The following KANSL1 variants were observed in gnomAD, a reference collection of about 807,000 sequenced individuals.
The protein encoded by KANSL1 is MLL1/MLL complex subunit KANSL1.
A neutral mutation model predicts 103.6 loss-of-function variants in KANSL1; 22 were observed. The observed-to-expected ratio is 0.21, with a 90% CI of 0.15 to 0.30. The LOEUF (loss-of-function observed/expected upper bound fraction) is 0.30, where lower values mean the gene tolerates loss of function less well. KANSL1 is among the 10% of genes least tolerant of loss of function. The pLI is 1.00. For missense variants in KANSL1, 1,337 were observed against 1,399.8 expected (o/e 0.96, Z 0.72); for synonymous variants, 600 against 527.6 (o/e 1.14, Z -1.88).
intron 2 of KANSL1, among the ~76,000 whole-genome samples, chr17:46,131,808 A>G (rs1305756977): frequency 6.6e-6 from 1 of 152,044 alleles, no homozygotes; most frequent in Non-Finnish European, 1.5e-5. Context: ...CACCACCACC[A>G]CCCTTGCCAA....
At chr17:46,137,835 C>G (rs2044228013) in intron 2 of KANSL1, among the ~76,000 whole-genome samples, 1 of 145,696 alleles carries the variant, frequency 6.9e-6, no homozygotes, top group Admixed American at 6.9e-5. Flanking sequence ...CCACTGCACT[C>G]AGGTCTGGGC....
intron 2 of KANSL1, among the ~76,000 whole-genome samples, chr17:46,097,943 A>T (rs2042153461): frequency 6.7e-6 from 1 of 149,902 alleles, no homozygotes; most frequent in Middle Eastern, 3.4e-3. Context: ...AACATAAACC[A>T]TTCAAACCAA....
intron 6 of KANSL1, among the ~76,000 whole-genome samples, chr17:46,055,035 G>C (rs1321341466): frequency 6.6e-6 from 1 of 151,768 alleles, no homozygotes; most frequent in Non-Finnish European, 1.5e-5. Flanking sequence ...ATTTTTTGTA[G>C]AGACAGGGTT....
At chr17:46,145,470 C>T (rs2044649262) in intron 2 of KANSL1, among the ~76,000 whole-genome samples, 1 of 152,230 alleles carries the variant, frequency 6.6e-6, no homozygotes, top group Admixed American at 6.5e-5. Flanking sequence ...AAAAAAAGAG[C>T]TATCTAGAAC....
At chr17:46,180,510 T>C (rs910676299) in intron 1 of KANSL1, among the ~76,000 whole-genome samples, 3 of 151,390 alleles carry the variant, frequency 2.0e-5, no homozygotes, top group Non-Finnish European at 4.4e-5. Context: ...AAAAAAGAAA[T>C]AAATAATAAA....
chr17:46,097,379 C>A (rs1304359298), intron 2 of KANSL1, among the ~76,000 whole-genome samples: 2 of 152,154 alleles, frequency 1.3e-5, no homozygotes. Flanking sequence ...ATGGGGAATG[C>A]AAAAGCTGCA....
chr17:46,197,327 T>C (rs2047644669), upstream of KANSL1, among the ~76,000 whole-genome samples: 1 of 152,252 alleles, frequency 6.6e-6, no homozygotes, highest in South Asian at 2.1e-4. Context: ...CACACCACTG[T>C]TATCGTCTAC....
intron 1 of KANSL1, among the ~76,000 whole-genome samples, chr17:46,184,851 T>C (rs572688301): frequency 1.3e-3 from 203 of 151,384 alleles, no homozygotes; most frequent in African/African-American, 4.9e-3. Context: ...TTTTTTTTTT[T>C]TTTTTTGAAA....
rs550985734 is a variant in KANSL1, at chr17:46,141,712, T to G, written c.1289+29143A>C. Among the ~76,000 whole-genome samples the G allele has an allele frequency of 3.3e-5, 5 of 152,364 alleles. No homozygotes were observed. The South Asian group carries it at 1.0e-3, about 32-fold the overall frequency. On this transcript the variant is annotated intron_variant, in intron 2 of 14. Transcript: ENST00000432791. ...TGGCAACCCATATTCTGGAAAGATA[T>G]TCTTTACAAGTTAACCTGTATGTCT... is the stretch of plus-strand genomic sequence containing the variant.
intron 4 of KANSL1, among the ~76,000 whole-genome samples, chr17:46,071,925 T>A (rs1272000062): frequency 2.0e-5 from 3 of 152,158 alleles, no homozygotes; most frequent in African/African-American, 7.2e-5. Context: ...GGGGATTATC[T>A]TTTGGAGTAA....
At chr17:46,090,257 G>C (rs1753792703) in intron 3 of KANSL1, among the ~76,000 whole-genome samples, 1 of 152,202 alleles carries the variant, frequency 6.6e-6, no homozygotes. Context: ...CCTCCATAGA[G>C]ACCATGGCCC....
intron 2 of KANSL1, among the ~76,000 whole-genome samples, chr17:46,154,552 G>T (rs1262795070): frequency 1.3e-5 from 2 of 152,198 alleles, no homozygotes; most frequent in Non-Finnish European, 2.9e-5. Context: ...AAAGCACTGG[G>T]ATTACAGGCC....
intron 4 of KANSL1, among the ~76,000 whole-genome samples, chr17:46,067,891 C>T (rs929536943): frequency 6.6e-6 from 1 of 152,094 alleles, no homozygotes; most frequent in Non-Finnish European, 1.5e-5. Context: ...AGGAGGATCG[C>T]TTGAGACCAG....
At chr17:46,143,589 G>A (rs938017129) in intron 2 of KANSL1, among the ~76,000 whole-genome samples, 2 of 152,200 alleles carry the variant, frequency 1.3e-5, no homozygotes, top group African/African-American at 2.4e-5. Flanking sequence ...TAGATCACGA[G>A]GTCAGGAGAT....
chr17:46,162,568 C>G (rs1382274695), intron 2 of KANSL1, among the ~76,000 whole-genome samples: 2 of 152,240 alleles, frequency 1.3e-5, no homozygotes. Flanking sequence ...CACCTCTTCC[C>G]TTTTGCTCAC....
chr17:46,205,382 A>ACCC (rs2047931269), intron 1 of KANSL1, among the ~76,000 whole-genome samples: 31 of 149,872 alleles, frequency 2.1e-4, no homozygotes, highest in Admixed American at 4.7e-4. Flanking sequence ...CCCCCCGCCA[A>ACCC]AAAAAAAAGA....
At chr17:46,122,588 C>T (rs2043329166) in intron 2 of KANSL1, among the ~76,000 whole-genome samples, 1 of 152,198 alleles carries the variant, frequency 6.6e-6, no homozygotes, top group Non-Finnish European at 1.5e-5. Flanking sequence ...TAAAGCTTCA[C>T]TTTACTGCAC....
At chr17:46,186,130 C>T (rs1375944354) in intron 1 of KANSL1, among the ~76,000 whole-genome samples, 1 of 151,824 alleles carries the variant, frequency 6.6e-6, no homozygotes, top group Non-Finnish European at 1.5e-5. Context: ...AATACCAGCA[C>T]TTTGGGAGGC....
intron 2 of KANSL1, among the ~76,000 whole-genome samples, chr17:46,132,324 T>C (rs887128194): frequency 6.6e-6 from 1 of 152,174 alleles, no homozygotes; most frequent in African/African-American, 2.4e-5. Flanking sequence ...AATGAGATAG[T>C]GTATATAATG....
Sources: gnomAD v4.1 joint callset for allele counts (sites outside exome capture counted in the v4.1 genomes callset) on GRCh38, gnomAD v4.1.1 for gene constraint, MANE v1.5 for transcripts, NCBI Gene and HGNC (gene_info 2026-07-23, HGNC 2026-07-21) for gene names.